ANKRD18A: variants seen among roughly 807,000 people sequenced by gnomAD.
ANKRD18A encodes the protein ankyrin repeat domain-containing protein 18A.
In ANKRD18A, 72 loss-of-function variants were observed where a neutral mutation model predicts 110.6. The ratio of observed to expected loss-of-function variants is 0.65; its 90% confidence interval spans 0.54 to 0.79. The LOEUF (loss-of-function observed/expected upper bound fraction) is 0.79, where lower values mean the gene tolerates loss of function less well. Ranked by LOEUF, ANKRD18A falls within the 30% of genes least tolerant of loss-of-function variation. The pLI is 0.00. For missense variants in ANKRD18A, 934 were observed against 1,163.3 expected (o/e 0.80, Z 2.87); for synonymous variants, 305 against 410.3 (o/e 0.74, Z 3.10).
intron 10 of ANKRD18A, among the ~76,000 whole-genome samples, chr9:38,591,530 A>C (rs1231297324): frequency 2.0e-5 from 3 of 152,052 alleles, no homozygotes; most frequent in Admixed American, 1.3e-4. Flanking sequence ...GCTTAGAAGC[A>C]CTTAGAAGAG....
In ANKRD18A at chr9:38,578,070, G is replaced by A. The variant is rs959648149; in HGVS notation, c.2326C>T (p.Gln776Ter). The stretch of plus-strand genomic sequence containing the variant: ...ACATTTCTCATAGATAATAACTCCT[G>A]ATGAAGAACTTCATTGTCTTTGGCC... ...NLAKDNEVLH[Q>*]ELLSMRNVQE... is the part of the protein sequence containing the mutation. Residue 776 changes from glutamine (Q) to a stop codon, truncating the protein, a stop_gained, in exon 13 of 16, where the codon CAG (glutamine) becomes TAG (stop). Coordinates refer to ENST00000399703, the MANE Select transcript of ANKRD18A (RefSeq NM_147195.4). LOFTEE classifies it high-confidence loss of function. The A allele has an allele frequency of 1.9e-6, 3 of 1,550,314 alleles. No homozygotes were observed. The highest frequency in any genetic ancestry group is 1.7e-6 in the Non-Finnish European group (2 of 1,146,432).
intron 15 of ANKRD18A, chr9:38,572,788 T>A (rs1325783676): frequency 5.6e-6 from 1 of 178,710 alleles, no homozygotes; most frequent in Non-Finnish European, 1.2e-5. Flanking sequence ...CGTTTCAGTG[T>A]GCTGGCTGAC....
intron 12 of ANKRD18A, among the ~76,000 whole-genome samples, chr9:38,581,455 A>G (rs901715897): frequency 6.6e-6 from 1 of 152,234 alleles, no homozygotes; most frequent in Non-Finnish European, 1.5e-5. Flanking sequence ...ACTTGGTTAC[A>G]TAACCAAAAT....
chr9:38,578,840 A>G (rs1587487921), intron 12 of ANKRD18A, among the ~76,000 whole-genome samples: 2 of 152,206 alleles, frequency 1.3e-5, no homozygotes, highest in Non-Finnish European at 2.9e-5. Context: ...TTATGACCAC[A>G]TCACTGCACT....
downstream of ANKRD18A, chr9:38,568,952 G>A (rs1235202398): frequency 2.7e-5 from 27 of 985,282 alleles, no homozygotes; most frequent in African/African-American, 3.5e-5. Flanking sequence ...CGGATGCCAC[G>A]TTCACCCTTC....
chr9:38,585,598 G>T (rs1170015631), intron 12 of ANKRD18A, among the ~76,000 whole-genome samples: 4 of 151,544 alleles, frequency 2.6e-5, no homozygotes, highest in Admixed American at 1.3e-4. Flanking sequence ...GCTGAATTTG[G>T]GTTTATCCAT....
At chr9:38,591,983 G>A (rs1040977702) in intron 10 of ANKRD18A, among the ~76,000 whole-genome samples, 10 of 152,192 alleles carry the variant, frequency 6.6e-5, no homozygotes, top group African/African-American at 2.4e-4. Context: ...TCCTTCATCA[G>A]ACAAGCTGCA....
At chr9:38,611,696 C>T (rs1240724473) in intron 3 of ANKRD18A, among the ~76,000 whole-genome samples, 3 of 152,114 alleles carry the variant, frequency 2.0e-5, no homozygotes, top group East Asian at 1.9e-4. Context: ...GACATAGTAG[C>T]GAATGCTTTA....
At chr9:38,614,219 G>GTTTTTTTTTTTTTTTT (rs58955752) in intron 3 of ANKRD18A, among the ~76,000 whole-genome samples, 2 of 68,802 alleles carry the variant, frequency 2.9e-5, no homozygotes, top group Non-Finnish European at 5.2e-5. Flanking sequence ...GAACACTGAG[G>GTTTTTTTTTTTTTTTT]TTTTTTTTTT....
In ANKRD18A at chr9:38,616,894, C is replaced by A. The variant is rs565263938; in HGVS notation, c.207-850G>T. 3.5e-3 allele frequency among the ~76,000 whole-genome samples: 540 copies of A among 152,162 alleles called. 3 individuals are homozygous for A. The highest frequency in any genetic ancestry group is 0.01 in the Middle Eastern group (3 of 294). ...TGATATTGGAGTGGTATTTATAATTCATAATTTTTATATGGTAGCATTTAT... is the reference window on the plus strand; with the variant it reads ...TGATATTGGAGTGGTATTTATAATTAATAATTTTTATATGGTAGCATTTAT... On this transcript the variant is annotated intron_variant, in intron 1 of 15. Transcript: ENST00000399703.
chr9:38,611,085 G>T, intron 4 of ANKRD18A, 130 bp downstream of exon 4: 3 of 1,421,878 alleles, frequency 2.1e-6, no homozygotes, highest in Non-Finnish European at 2.8e-6. Flanking sequence ...GATTATTCAT[G>T]TTACTTTTTA....
rs1360883907 is a variant in ANKRD18A, at chr9:38,588,705, GA to G, written c.2005-43del. On this transcript the variant is annotated intron_variant, in intron 10 of 15. Transcript: ENST00000399703. ...TAAAATTATTTTTGTAAAATCTAGA[GA>G]CCCTCTTCTATCTTAAAAATATTAT... is the stretch of plus-strand genomic sequence containing the variant. The G allele has an allele frequency of 1.1e-5, 12 of 1,133,014 alleles. No individual in the cohort carries two copies. In the African/African-American group the frequency reaches 1.8e-4, roughly 17 times the overall value. 70.2% of individuals were successfully genotyped at this position (1,133,014 alleles called of 1,614,324 possible).
chr9:38,584,680 TG>T (rs1824300301), intron 12 of ANKRD18A, among the ~76,000 whole-genome samples: 1 of 152,294 alleles, frequency 6.6e-6, no homozygotes, highest in East Asian at 1.9e-4. Flanking sequence ...GCACATCTTT[TG>T]TAAGGAAAAA....
intron 12 of ANKRD18A, among the ~76,000 whole-genome samples, chr9:38,580,880 A>G (rs1824132527): frequency 6.6e-6 from 1 of 151,530 alleles, no homozygotes; most frequent in Admixed American, 6.6e-5. Context: ...CTCAGCCCCC[A>G]GATTGTGAGA....
chr9:38,581,072 GC>G (rs1484149956), intron 12 of ANKRD18A, among the ~76,000 whole-genome samples: 1 of 152,176 alleles, frequency 6.6e-6, no homozygotes, highest in Non-Finnish European at 1.5e-5. Flanking sequence ...AGCTGTCCTG[GC>G]CAATCTTTTT....
chr9:38,575,744 G>A (rs1354259558), intron 14 of ANKRD18A, 46 bp from the exon 15 acceptor site: 1 of 1,500,458 alleles, frequency 6.7e-7, no homozygotes, highest in Non-Finnish European at 8.9e-7. Context: ...ATTTTTCCTT[G>A]AATGATTCTT....
Position 38,603,303 on chromosome 9 carries a change from C to T in ANKRD18A, c.809-91G>A. ...GGCAAAGTTTCACTTACTCTGCATG[C>T]TTACCCTAAATCCTACCCATCTTTT... On this transcript the variant is annotated intron_variant, in intron 6 of 15. Transcript: ENST00000399703. 5 of 1,516,968 alleles carry T rather than the reference C, an allele frequency of 3.3e-6. No individual in the cohort carries two copies. The Admixed American group carries it at 1.0e-4, about 32-fold the overall frequency. The allele number at this position is 1,516,968 out of a possible 1,614,324, so 94.0% of individuals were successfully genotyped here.
intron 12 of ANKRD18A, among the ~76,000 whole-genome samples, chr9:38,584,138 C>G (rs1429429897): frequency 2.6e-5 from 4 of 152,198 alleles, no homozygotes; most frequent in Non-Finnish European, 5.9e-5. Context: ...GAGAGCTTCC[C>G]TTTCACTTAA....
intron 3 of ANKRD18A, among the ~76,000 whole-genome samples, chr9:38,613,154 G>T (rs1285712600): frequency 1.3e-5 from 2 of 151,946 alleles, no homozygotes; most frequent in East Asian, 3.9e-4. Flanking sequence ...CTAAGTAAGT[G>T]AAGTACTCAG....
Sources: allele counts gnomAD v4.1 joint callset (sites outside exome capture counted in the v4.1 genomes callset), GRCh38; gene constraint gnomAD v4.1.1; transcripts MANE v1.5; gene names NCBI Gene and HGNC (gene_info 2026-07-23, HGNC 2026-07-21).